Variants in DYNC2LI1 observed in about 807,000 individuals in gnomAD.
DYNC2LI1 encodes the protein dynein cytoplasmic 2 light intermediate chain 1, also known as cytoplasmic dynein 2 light intermediate chain 1.
In DYNC2LI1, 45 loss-of-function variants were observed where a neutral mutation model predicts 51.9. The ratio of observed to expected loss-of-function variants is 0.87; its 90% confidence interval spans 0.68 to 1.11. The LOEUF is 1.11. Ranked by LOEUF, DYNC2LI1 falls within the 50% of genes most tolerant of loss-of-function variation. The pLI is 0.00. For synonymous variants in DYNC2LI1, 130 were observed against 137.8 expected, an observed-to-expected ratio of 0.94 and a Z score of 0.40; for missense variants, 490 against 417.4, an observed-to-expected ratio of 1.17 and a Z score of -1.51.
At chr2:43,810,467 C>G (rs770513367), downstream of DYNC2LI1, 110 of 985,264 alleles carry the variant, frequency 1.1e-4, no homozygotes, top group Non-Finnish European at 1.3e-4. Flanking sequence ...GTGGGATAGC[C>G]TTTAAGAAGC....
the DYNC2LI1 span, chr2:43,826,470 T>G: frequency 8.7e-6 from 14 of 1,614,142 alleles, no homozygotes; most frequent in Non-Finnish European, 1.2e-5. Flanking sequence ...GACAATCTGA[T>G]TAGCAGTCAT....
the DYNC2LI1 span, among the ~76,000 whole-genome samples, chr2:43,816,719 A>G: frequency 6.6e-6 from 1 of 152,270 alleles, no homozygotes; most frequent in East Asian, 1.9e-4. Flanking sequence ...AATTCATATT[A>G]TGTTGTTAAA....
rs1171762669 is a variant in DYNC2LI1, at chr2:43,774,106, C to A, written c.-33C>A. The A allele has an allele frequency of 1.9e-6, 3 of 1,613,554 alleles. No homozygotes were observed. Among genetic ancestry groups the A allele is most frequent in the Non-Finnish European group, 2.5e-6 (3 of 1,179,800 alleles). ...ATTCTAGGCTGGTCACTACTCCGAG[C>A]CTGTGACGTTTGCGGCAGCCAGGCC... On this transcript the variant is annotated 5_prime_UTR_variant, in exon 1 of 13. Coordinates refer to ENST00000260605, the MANE Select transcript of DYNC2LI1 (RefSeq NM_016008.4).
rs1673952452 is a variant in DYNC2LI1 at position 43,794,644 on chromosome 2, G to A, written c.507+1G>A. ...GAATAATATGCCGAAGGATCATCCT[G>A]TGAGTTGCTGTTTGGGATTATTACT... On this transcript the variant is annotated splice_donor_variant, in intron 6 of 12. Coordinates refer to ENST00000260605, the MANE Select transcript of DYNC2LI1 (RefSeq NM_016008.4). LOFTEE classifies it high-confidence loss of function. The A allele has an allele frequency of 6.2e-7, 1 of 1,613,908 alleles. No individual in the cohort carries two copies. The highest frequency in any genetic ancestry group is 1.7e-5 in the Admixed American group (1 of 60,010).
chr2:43,814,289 G>A, downstream of DYNC2LI1, among the ~76,000 whole-genome samples: 1 of 152,164 alleles, frequency 6.6e-6, no homozygotes, highest in Admixed American at 6.5e-5. Context: ...TTTGACAGGA[G>A]ACTAACTTGA....
downstream of DYNC2LI1, among the ~76,000 whole-genome samples, chr2:43,814,952 C>T (rs2104753652): frequency 6.6e-6 from 1 of 152,292 alleles, no homozygotes; most frequent in South Asian, 2.1e-4. Flanking sequence ...TTAGGCACAG[C>T]TTGGTGGCCT....
chr2:43,785,206 G>C (rs1229072892), intron 3 of DYNC2LI1, among the ~76,000 whole-genome samples: 2 of 152,184 alleles, frequency 1.3e-5, no homozygotes, highest in Admixed American at 6.5e-5. Context: ...AGCTGAGGTG[G>C]GAGGATTACT....
At chr2:43,812,901 A>C (rs1257814388), downstream of DYNC2LI1, 2 of 567,944 alleles carry the variant, frequency 3.5e-6, no homozygotes, top group Admixed American at 6.1e-5. Flanking sequence ...CCAAATAACC[A>C]CATGTCCCTG....
intron 3 of DYNC2LI1, among the ~76,000 whole-genome samples, chr2:43,784,332 A>G (rs1002138580): frequency 3.3e-5 from 5 of 152,256 alleles, no homozygotes; most frequent in African/African-American, 1.2e-4. Context: ...GGGTCTTTTT[A>G]GACCACATTT....
At chr2:43,819,358 G>A in the DYNC2LI1 span, among the ~76,000 whole-genome samples, 1 of 151,614 alleles carries the variant, frequency 6.6e-6, no homozygotes, top group Non-Finnish European at 1.5e-5. Flanking sequence ...GAAATATGAA[G>A]AAAAAAATTA....
rs759097386 is a variant in DYNC2LI1 at position 43,794,451 on chromosome 2, C to A, written c.321-6C>A. 18 of 1,597,248 alleles carry A rather than the reference C, an allele frequency of 1.1e-5. No homozygotes were observed. In the South Asian group the frequency reaches 2.0e-4, roughly 18 times the overall value. On this transcript the variant is annotated splice_polypyrimidine_tract_variant and splice_region_variant and intron_variant, in intron 5 of 12. Coordinates refer to ENST00000260605, the MANE Select transcript of DYNC2LI1 (RefSeq NM_016008.4). ...TCTTTTTTGAAAAGTGTTTTTATTT[C>A]TTTAGGACGTTTTCTCTTGTTCTCG...
the DYNC2LI1 span, chr2:43,826,280 G>A: frequency 6.4e-7 from 1 of 1,553,502 alleles, no homozygotes; most frequent in Non-Finnish European, 8.8e-7. Flanking sequence ...AATTACAAGT[G>A]TGAGCCACTG....
At position 43,776,196 on chromosome 2, in the gene DYNC2LI1, T is replaced by TTAG. The variant is rs528501797; in HGVS notation, c.9-567_9-565dup. Among the ~76,000 whole-genome samples, 76 of 151,956 alleles carry TTAG rather than the reference T, an allele frequency of 5.0e-4. 1 individual carries two copies. Among genetic ancestry groups the TTAG allele is most frequent in the African/African-American group, 1.2e-3 (50 of 41,464 alleles). Reference sequence around the variant, plus strand: ...GCTATCCCTCCCCCATGCTAATTTATTAGTAGTAGTAGTAGTAGTAGCAGT... The same window carrying TTAG: ...GCTATCCCTCCCCCATGCTAATTTATTAGTAGTAGTAGTAGTAGTAGTAGCAGT... On this transcript the variant is annotated intron_variant, in intron 1 of 12. Transcript: ENST00000260605.
intron 1 of DYNC2LI1, 90 bp from the exon 2 acceptor site, chr2:43,776,692 T>G: frequency 3.2e-6 from 2 of 616,176 alleles, no homozygotes; most frequent in Non-Finnish European, 5.7e-6. Context: ...GTTTCATAAA[T>G]TATACTGAAA....
downstream of DYNC2LI1, among the ~76,000 whole-genome samples, chr2:43,814,269 C>A (rs533835086): frequency 3.3e-5 from 5 of 152,290 alleles, no homozygotes; most frequent in East Asian, 9.6e-4. Flanking sequence ...GTGTCCCTTA[C>A]CTGTTGACCT....
chr2:43,801,552 C>T (rs890687560), intron 9 of DYNC2LI1, 87 bp from the exon 10 acceptor site: 19 of 917,804 alleles, frequency 2.1e-5, no homozygotes, highest in African/African-American at 4.9e-5. Context: ...TAAAACTAGC[C>T]GATAATATTG....
intron 12 of DYNC2LI1, among the ~76,000 whole-genome samples, chr2:43,806,151 G>T (rs1433073748): frequency 6.6e-6 from 1 of 152,040 alleles, no homozygotes; most frequent in Non-Finnish European, 1.5e-5. Context: ...CAAAGTGCTG[G>T]GATTACAGGC....
chr2:43,811,967 C>T (rs1263388854), downstream of DYNC2LI1, among the ~76,000 whole-genome samples: 1 of 152,174 alleles, frequency 6.6e-6, no homozygotes, highest in African/African-American at 2.4e-5. Flanking sequence ...TGTATTTATA[C>T]ATATCAGCAC....
intron 3 of DYNC2LI1, 151 bp downstream of exon 3, chr2:43,783,705 C>A: frequency 2.0e-6 from 1 of 493,618 alleles, no homozygotes; most frequent in Non-Finnish European, 3.5e-6. Context: ...CCTTTAAGAG[C>A]GCCTTTAAAT....
Sources: allele counts gnomAD v4.1 joint callset (sites outside exome capture counted in the v4.1 genomes callset), GRCh38; gene constraint gnomAD v4.1.1; transcripts MANE v1.5; gene names NCBI Gene and HGNC (gene_info 2026-07-23, HGNC 2026-07-21).